Variants in CTNNA3 observed in about 807,000 individuals in gnomAD.
CTNNA3 encodes catenin alpha-3.
Under a neutral mutation model 95.7 loss-of-function variants are expected in CTNNA3, and 76 were observed. That is an observed-to-expected ratio of 0.79 (90% confidence interval 0.66 to 0.96). The LOEUF (loss-of-function observed/expected upper bound fraction) is 0.96. Ranked by LOEUF, CTNNA3 falls within the 40% of genes least tolerant of loss-of-function variation. CTNNA3 has a pLI of 0.00. For missense variants in CTNNA3, 1,191 were observed against 1,089.8 expected (o/e 1.09, Z -1.31); for synonymous variants, 431 against 374.4 (o/e 1.15, Z -1.74).
chr10:66,269,376 G>A (rs148453123), intron 13 of CTNNA3, among the ~76,000 whole-genome samples: 3 of 152,126 alleles, frequency 2.0e-5, no homozygotes, highest in Non-Finnish European at 2.9e-5. Flanking sequence ...AATGGGAGTC[G>A]TGAATTTAAT....
intron 15 of CTNNA3, among the ~76,000 whole-genome samples, chr10:66,023,035 A>G (rs951172567): frequency 1.3e-5 from 2 of 152,172 alleles, no homozygotes; most frequent in East Asian, 1.9e-4. Context: ...GTTGTTTTAA[A>G]TAGTGTGTTT....
At chr10:66,503,602 G>A (rs953251054) in intron 11 of CTNNA3, among the ~76,000 whole-genome samples, 3 of 151,966 alleles carry the variant, frequency 2.0e-5, no homozygotes, top group Non-Finnish European at 4.4e-5. Context: ...CCTAGTAGCT[G>A]GGATTACAGG....
chr10:66,184,166 G>T (rs1269335245), intron 13 of CTNNA3, among the ~76,000 whole-genome samples: 2 of 152,010 alleles, frequency 1.3e-5, no homozygotes. Flanking sequence ...GGGCGCGGGG[G>T]TGGGCGCCTG....
intron 5 of CTNNA3, among the ~76,000 whole-genome samples, chr10:67,322,538 C>T (rs2132556134): frequency 6.6e-6 from 1 of 152,280 alleles, no homozygotes; most frequent in African/African-American, 2.4e-5. Context: ...TATCCATGTT[C>T]CTGCATAGGA....
intron 9 of CTNNA3, among the ~76,000 whole-genome samples, chr10:66,646,902 T>C (rs534652664): frequency 1.5e-4 from 23 of 152,244 alleles, no homozygotes; most frequent in African/African-American, 5.3e-4. Flanking sequence ...TATGTGGCCA[T>C]GCTAGATTCC....
chr10:67,318,013 A>AT lies in CTNNA3; in HGVS notation c.580-98144dup, dbSNP rs11302311. ...GATGGCTTAACAGGCAATGAAAACC[A>AT]TTTTTTTTTTTTTACATAAGGAGGG... On this transcript the variant is annotated intron_variant, in intron 5 of 17. Coordinates refer to ENST00000433211, the MANE Select transcript of CTNNA3 (RefSeq NM_013266.4). Among the ~76,000 whole-genome samples, 2,873 of 149,098 alleles carry AT rather than the reference A, an allele frequency of 0.019. 228 individuals are homozygous for AT. In the East Asian group the frequency reaches 0.25, roughly 13 times the overall value.
At chr10:67,180,252 C>G (rs928779316) in intron 7 of CTNNA3, 65 bp downstream of exon 7, 2 of 1,323,094 alleles carry the variant, frequency 1.5e-6, no homozygotes, top group African/African-American at 1.4e-5. Context: ...CGGAAAGTAT[C>G]TCAGCCTATA....
intron 5 of CTNNA3, among the ~76,000 whole-genome samples, chr10:67,223,008 C>T (rs1424366175): frequency 2.0e-5 from 3 of 152,154 alleles, no homozygotes; most frequent in African/African-American, 7.2e-5. Flanking sequence ...GAATTTGGAG[C>T]CTATGCTTTG....
intron 7 of CTNNA3, among the ~76,000 whole-genome samples, chr10:67,010,125 G>A (rs984369758): frequency 6.6e-6 from 1 of 152,060 alleles, no homozygotes; most frequent in East Asian, 1.9e-4. Flanking sequence ...ACTCTAACTA[G>A]TACTATGGCA....
intron 7 of CTNNA3, among the ~76,000 whole-genome samples, chr10:67,092,427 T>C (rs545431805): frequency 6.6e-6 from 1 of 152,104 alleles, no homozygotes; most frequent in Admixed American, 6.6e-5. Context: ...AAGACTGTCA[T>C]TTTCTGTTCT....
intron 15 of CTNNA3, among the ~76,000 whole-genome samples, chr10:66,025,947 A>G (rs1298586922): frequency 6.6e-6 from 1 of 152,208 alleles, no homozygotes; most frequent in Admixed American, 6.5e-5. Flanking sequence ...ACACACACTC[A>G]CATGTGCACA....
At chr10:66,845,715 A>AAAC (rs1418092395) in intron 7 of CTNNA3, among the ~76,000 whole-genome samples, 1 of 68,742 alleles carries the variant, frequency 1.5e-5, no homozygotes, top group African/African-American at 4.4e-5. Context: ...AAAAAAAAAA[A>AAAC]AAAAAAAAAA....
intron 7 of CTNNA3, among the ~76,000 whole-genome samples, chr10:67,081,667 C>T (rs1246589949): frequency 6.6e-6 from 1 of 152,158 alleles, no homozygotes; most frequent in Non-Finnish European, 1.5e-5. Context: ...ACATTCTTTG[C>T]TCCTGCCATT....
chr10:66,062,963 C>T (rs1478207211), intron 15 of CTNNA3, among the ~76,000 whole-genome samples: 1 of 151,868 alleles, frequency 6.6e-6, no homozygotes, highest in Non-Finnish European at 1.5e-5. Context: ...TCAGAGTATG[C>T]CAACAGTAAG....
intron 13 of CTNNA3, among the ~76,000 whole-genome samples, chr10:66,258,949 A>G (rs951041525): frequency 2.6e-5 from 4 of 152,176 alleles, no homozygotes; most frequent in Non-Finnish European, 4.4e-5. Flanking sequence ...AACAAGCCAC[A>G]TGGCTATACA....
rs902972454 is a variant in CTNNA3 at position 67,576,879 on chromosome 10, T to A, written c.292+29978A>T. ...ATCATCGATGTCCCTGCAAAGGACATGAACTCATCTTTCTTATGGTGTCAT... is the reference window on the plus strand; with the variant it reads ...ATCATCGATGTCCCTGCAAAGGACAAGAACTCATCTTTCTTATGGTGTCAT... On this transcript the variant is annotated intron_variant, in intron 3 of 17. Transcript: ENST00000433211. Among the ~76,000 whole-genome samples the A allele has an allele frequency of 5.4e-5, 6 of 111,636 alleles. 3 individuals carry two copies. The highest frequency in any genetic ancestry group is 3.4e-4 in the African/African-American group (6 of 17,516). 73.2% of individuals were successfully genotyped at this position (111,636 alleles called of 152,430 possible).
chr10:67,194,651 T>C (rs1403577899), intron 6 of CTNNA3, among the ~76,000 whole-genome samples: 3 of 151,874 alleles, frequency 2.0e-5, no homozygotes, highest in South Asian at 2.1e-4. Context: ...AATTTTATTA[T>C]ACATTTTTCC....
intron 7 of CTNNA3, among the ~76,000 whole-genome samples, chr10:66,803,991 T>C (rs2132241833): frequency 6.6e-6 from 1 of 151,278 alleles, no homozygotes; most frequent in African/African-American, 2.4e-5. Context: ...AGCAGTGGTG[T>C]GCATGTATTG....
intron 7 of CTNNA3, among the ~76,000 whole-genome samples, chr10:66,874,370 G>A (rs1844532292): frequency 6.6e-6 from 1 of 152,000 alleles, no homozygotes; most frequent in Non-Finnish European, 1.5e-5. Context: ...GTCATATTTG[G>A]AATATTATTA....
Sources: allele counts gnomAD v4.1 joint callset (sites outside exome capture counted in the v4.1 genomes callset), GRCh38; gene constraint gnomAD v4.1.1; transcripts MANE v1.5; gene names NCBI Gene and HGNC (gene_info 2026-07-23, HGNC 2026-07-21).